Variants in INSYN1 observed in about 807,000 individuals in gnomAD.
INSYN1 encodes the protein inhibitory synaptic factor 1, also known as UPF0583 protein C15orf59.
A neutral mutation model predicts 17.1 loss-of-function variants in INSYN1; 7 were observed. The ratio of observed to expected loss-of-function variants is 0.41; its 90% confidence interval spans 0.23 to 0.77. INSYN1 has a LOEUF of 0.77. INSYN1 is among the 30% of genes least tolerant of loss of function. The pLI, the probability that INSYN1 is intolerant of heterozygous loss-of-function variation, is 0.32. For missense variants in INSYN1, 339 were observed against 400.6 expected (o/e 0.85, Z 1.31); for synonymous variants, 174 against 166.3 (o/e 1.05, Z -0.36).
intron 2 of INSYN1, among the ~76,000 whole-genome samples, chr15:73,746,513 A>G (rs576794524): frequency 7.2e-5 from 11 of 152,224 alleles, no homozygotes; most frequent in Non-Finnish European, 1.3e-4. Flanking sequence ...CCACCTTCAG[A>G]CAAAGCCCCT....
rs755629595 is a variant in INSYN1, at chr15:73,739,965, C to T, written c.834G>A (p.Thr278=). The T allele has an allele frequency of 3.1e-5, 50 of 1,612,714 alleles. No homozygotes were observed. Among genetic ancestry groups the T allele is most frequent in the East Asian group, 2.7e-4 (12 of 44,814 alleles). The part of the protein sequence containing the change: ...TQTVSDKSTQ[T]VLPYTATRQK... ...GTCTAGTGGCTGTGTAGGGCAGAAC[C>T]GTCTGCGTGCTCTTGTCTGACACTG... Residue 278 remains threonine (T), a synonymous_variant, in exon 3 of 3, where the codon ACG becomes ACA. Coordinates refer to ENST00000569673, the MANE Select transcript of INSYN1 (RefSeq NM_001039614.3).
chr15:73,738,117 T>TC lies in INSYN1; in HGVS notation c.*1799dup. The TC allele has an allele frequency of 6.6e-6, 1 of 152,264 alleles. No homozygotes were observed. 9.4% of individuals were successfully genotyped at this position (152,264 alleles called of 1,614,324 possible). On this transcript the variant is annotated 3_prime_UTR_variant, in exon 3 of 3. Coordinates refer to ENST00000569673, the MANE Select transcript of INSYN1 (RefSeq NM_001039614.3). ...GAGGCCACACTGACCACAAGGCATG[T>TC]CCAGTGCCTTCAGTTTGTCAAGTGC... is the stretch of plus-strand genomic sequence containing the variant.
rs969815583 is a variant in INSYN1 at position 73,753,200 on chromosome 15, A to AGCGCCGCG, written c.-1666_-1659dup. On this transcript the variant is annotated 5_prime_UTR_variant, in exon 1 of 3. Coordinates refer to ENST00000569673, the MANE Select transcript of INSYN1 (RefSeq NM_001039614.3). This position sits in a 1 kb window ranked among gnomAD's most constrained non-coding sequence, Gnocchi z 4.2. ...TCCCGGGGCCTGGGCCCGCTCCCCA[A>AGCGCCGCG]GCGCCGCGGCGCCGCGCCGCCCGCG... 1.4e-5 allele frequency among the ~76,000 whole-genome samples: 2 copies of AGCGCCGCG among 139,832 alleles called. No individual in the cohort carries two copies. The highest frequency in any genetic ancestry group is 7.0e-5 in the Admixed American group (1 of 14,302). The allele number at this position is 139,832 out of a possible 152,430, so 91.7% of individuals were successfully genotyped here. A position where few individuals can be genotyped will look rare whatever the true frequency, so the allele number is the denominator to read the frequency against.
Position 73,739,889 on chromosome 15 carries a change from C to T in INSYN1, c.*28G>A, listed in dbSNP as rs1901634632. 3 of 877,572 alleles carry T rather than the reference C, an allele frequency of 3.4e-6. No individual in the cohort carries two copies. The highest frequency in any genetic ancestry group is 5.4e-6 in the Non-Finnish European group (3 of 558,574). The allele number at this position is 877,572 out of a possible 1,614,324, so 54.4% of individuals were successfully genotyped here. ...TATATTTATTTATAGCTCTATGTGCCCACCGCCCCCGGCCCCCTCCCCGGC... is the reference window on the plus strand; with the variant it reads ...TATATTTATTTATAGCTCTATGTGCTCACCGCCCCCGGCCCCCTCCCCGGC... On this transcript the variant is annotated 3_prime_UTR_variant, in exon 3 of 3. Coordinates refer to ENST00000569673, the MANE Select transcript of INSYN1 (RefSeq NM_001039614.3).
At chr15:73,742,898 C>T (rs1476640562) in intron 2 of INSYN1, among the ~76,000 whole-genome samples, 1 of 152,142 alleles carries the variant, frequency 6.6e-6, no homozygotes, top group Non-Finnish European at 1.5e-5. Flanking sequence ...GGAGAAGGTG[C>T]CTACCTAGTG....
At chr15:73,741,969 G>C (rs1237782839) in intron 2 of INSYN1, among the ~76,000 whole-genome samples, 1 of 152,238 alleles carries the variant, frequency 6.6e-6, no homozygotes, top group Admixed American at 6.5e-5. Flanking sequence ...ACTTGATCAG[G>C]AGTCAGGGGC....
intron 2 of INSYN1, among the ~76,000 whole-genome samples, chr15:73,748,691 A>ACC (rs559057650): frequency 6.6e-6 from 1 of 152,012 alleles, no homozygotes; most frequent in Non-Finnish European, 1.5e-5. Flanking sequence ...GGGGTCTGGC[A>ACC]CCCCCCCTTG....
At chr15:73,743,446 T>A (rs1901738255) in intron 2 of INSYN1, among the ~76,000 whole-genome samples, 1 of 152,094 alleles carries the variant, frequency 6.6e-6, no homozygotes, top group South Asian at 2.1e-4. Flanking sequence ...CTTAGGCAGA[T>A]GATTATCCCC....
rs1286842914 is a variant in INSYN1, at chr15:73,751,357, G to A, written c.-227C>T. ...CAGAGGGAGACAGAGTCTAGCAGAGGGGGTCAAGGTGAGGACACAGGAGAG... is the reference window on the plus strand; with the variant it reads ...CAGAGGGAGACAGAGTCTAGCAGAGAGGGTCAAGGTGAGGACACAGGAGAG... On this transcript the variant is annotated 5_prime_UTR_variant, in exon 2 of 3. Coordinates refer to ENST00000569673, the MANE Select transcript of INSYN1 (RefSeq NM_001039614.3). The A allele has an allele frequency of 1.8e-6, 1 of 564,650 alleles. No individual in the cohort carries two copies. Among genetic ancestry groups the A allele is most frequent in the Non-Finnish European group, 3.2e-6 (1 of 315,670 alleles). 35.0% of individuals were successfully genotyped at this position (564,650 alleles called of 1,614,324 possible).
chr15:73,747,110 G>C (rs571144543), intron 2 of INSYN1, among the ~76,000 whole-genome samples: 1 of 152,254 alleles, frequency 6.6e-6, no homozygotes, highest in South Asian at 2.1e-4. Context: ...TTCCTTAGCT[G>C]AACCTGCATA....
intron 2 of INSYN1, among the ~76,000 whole-genome samples, chr15:73,746,162 T>C (rs1298639709): frequency 6.6e-6 from 1 of 152,014 alleles, no homozygotes; most frequent in African/African-American, 2.4e-5. Flanking sequence ...CCACTGATTA[T>C]TTTTTAATTC....
chr15:73,742,819 ACACTCAGACTTGAGTGTCCCTCAGCT>A (rs1901722844), intron 2 of INSYN1, among the ~76,000 whole-genome samples: 1 of 152,004 alleles, frequency 6.6e-6, no homozygotes, highest in Non-Finnish European at 1.5e-5. Context: ...TAGCGTAGGG[ACACTCAGACTTGAGTGTCCCTCAGCT>A]CACTCCCCAG....
intron 2 of INSYN1, among the ~76,000 whole-genome samples, chr15:73,749,240 GA>G (rs1332609623): frequency 6.6e-6 from 1 of 152,158 alleles, no homozygotes; most frequent in Non-Finnish European, 1.5e-5. Context: ...AAGGCATCAG[GA>G]ACCCGAGTTC....
In INSYN1 at chr15:73,753,290, T is replaced by C. The variant is rs1902046692; in HGVS notation, c.-1748A>G. On this transcript the variant is annotated 5_prime_UTR_variant, in exon 1 of 3. Coordinates refer to ENST00000569673, the MANE Select transcript of INSYN1 (RefSeq NM_001039614.3). This position sits in a 1 kb window ranked among gnomAD's most constrained non-coding sequence, Gnocchi z 4.2. ...ACTGGCCGCCCGGGCGGGCGCTGGC[T>C]CCCTTAAAGGCCGCCCGGCTCGCTT... 6.7e-6 allele frequency among the ~76,000 whole-genome samples: 1 copy of C among 149,008 alleles called. No homozygotes were observed. Among genetic ancestry groups the C allele is most frequent in the East Asian group, 2.0e-4 (1 of 4,960 alleles).
At position 73,751,137 on chromosome 15, in the gene INSYN1, C is replaced by T; in HGVS notation, c.-7G>A. The stretch of plus-strand genomic sequence containing the variant: ...GGGCGCCCCGAATGTTCATCGTTTA[C>T]CACGTGGCCGCAGGCCTGCCCATAC... On this transcript the variant is annotated 5_prime_UTR_variant, in exon 2 of 3. It introduces an in-frame stop codon into an upstream open reading frame of the 5' UTR. Coordinates refer to ENST00000569673, the MANE Select transcript of INSYN1 (RefSeq NM_001039614.3). 6.2e-7 allele frequency: 1 copy of T among 1,613,234 alleles called. No homozygotes were observed. Among genetic ancestry groups the T allele is most frequent in the Non-Finnish European group, 8.5e-7 (1 of 1,179,956 alleles).
chr15:73,739,912 G>A lies in INSYN1; in HGVS notation c.*5C>T, dbSNP rs376006781. The A allele has an allele frequency of 5.6e-5, 38 of 682,178 alleles. 1 individual carries two copies. Among genetic ancestry groups the A allele is most frequent in the South Asian group, 4.4e-4 (26 of 59,508 alleles). The allele number at this position is 682,178 out of a possible 1,614,324, so 42.3% of individuals were successfully genotyped here. ...GCCCACCGCCCCCGGCCCCCTCCCC[G>A]GCCCCTAGTTTTTCCCCCTGGCTTT... On this transcript the variant is annotated 3_prime_UTR_variant, in exon 3 of 3. Transcript: ENST00000569673.
Position 73,740,193 on chromosome 15 carries a change from CTCA to C in INSYN1, c.603_605del (p.Asp201del). 1 of 1,614,136 alleles carries C rather than the reference CTCA, an allele frequency of 6.2e-7. No individual in the cohort carries two copies. Among genetic ancestry groups the C allele is most frequent in the Non-Finnish European group, 8.5e-7 (1 of 1,180,014 alleles). On this transcript the variant is annotated inframe_deletion, in exon 3 of 3. Coordinates refer to ENST00000569673, the MANE Select transcript of INSYN1 (RefSeq NM_001039614.3). ...CCACCTCCTGCTCACCGTCCCCCTC[CTCA>C]TCGTCACAGCACAGAGCATGGTAGA...
intron 2 of INSYN1, among the ~76,000 whole-genome samples, chr15:73,741,774 G>A (rs1035546248): frequency 1.3e-5 from 2 of 152,174 alleles, no homozygotes; most frequent in African/African-American, 4.8e-5. Flanking sequence ...TTCAACCTGG[G>A]GTCAGAGCAG....
At chr15:73,742,748 T>A (rs1358424035) in intron 2 of INSYN1, among the ~76,000 whole-genome samples, 1 of 152,118 alleles carries the variant, frequency 6.6e-6, no homozygotes, top group Admixed American at 6.5e-5. Context: ...GAGAAACTCC[T>A]ATCTCCCAGA....
Sources: gnomAD v4.1 joint callset for allele counts (sites outside exome capture counted in the v4.1 genomes callset) on GRCh38, gnomAD v4.1.1 for gene constraint, Gnocchi (gnomAD v3.1) non-coding constraint, MANE v1.5 for transcripts, NCBI Gene and HGNC (gene_info 2026-07-23, HGNC 2026-07-21) for gene names.